Variants in AKAIN1 observed in about 807,000 individuals in gnomAD.
The protein encoded by AKAIN1 is A-kinase anchor protein inhibitor 1.
A neutral mutation model predicts 3.7 loss-of-function variants in AKAIN1; 3 were observed. The ratio of observed to expected loss-of-function variants is 0.82; its 90% CI spans 0.37 to 2.12. AKAIN1 has a LOEUF of 2.12. Ranked by LOEUF, AKAIN1 falls within the 30% of genes most tolerant of loss-of-function variation. AKAIN1 has a pLI of 0.06. For missense variants in AKAIN1, 82 were observed against 82.7 expected, an observed-to-expected ratio of 0.99 and a Z score of 0.03; for synonymous variants, 31 against 30.8, an observed-to-expected ratio of 1.01 and a Z score of -0.02.
chr18:5,153,544 T>C (rs1031448122), intron 1 of AKAIN1, among the ~76,000 whole-genome samples: 9 of 152,134 alleles, frequency 5.9e-5, no homozygotes, highest in African/African-American at 2.2e-4. Context: ...GAAAGGACAG[T>C]ATTTTCAGTC....
intron 1 of AKAIN1, among the ~76,000 whole-genome samples, chr18:5,179,430 T>C (rs2071244812): frequency 6.6e-6 from 1 of 151,630 alleles, no homozygotes; most frequent in East Asian, 1.9e-4. Flanking sequence ...TGTGTATATA[T>C]ATATATATGT....
At chr18:5,194,751 T>C (rs762205754) in intron 1 of AKAIN1, among the ~76,000 whole-genome samples, 9 of 152,220 alleles carry the variant, frequency 5.9e-5, no homozygotes, top group Non-Finnish European at 1.3e-4. Context: ...TTTATTGTTA[T>C]ATTCATCTTG....
At chr18:5,165,140 G>T (rs28360856) in intron 1 of AKAIN1, among the ~76,000 whole-genome samples, 3,493 of 152,002 alleles carry the variant, frequency 0.023, 134 homozygotes, top group African/African-American at 0.078. Context: ...GGAATTATGG[G>T]TTGGTACAAG....
At chr18:5,194,110 G>T (rs928916671) in intron 1 of AKAIN1, among the ~76,000 whole-genome samples, 2 of 152,082 alleles carry the variant, frequency 1.3e-5, no homozygotes, top group African/African-American at 4.8e-5. Context: ...TACTTACACA[G>T]AAATTAATAT....
In AKAIN1 at chr18:5,143,124, A is replaced by G. The variant is rs1455915853; in HGVS notation, c.*2438T>C. On this transcript the variant is annotated 3_prime_UTR_variant, in exon 2 of 2. Transcript: ENST00000434239. ...CTCATTTCTGAAACTAAAAGCTGTG[A>G]TCTGGTTTATGATGATAATCAAGTG... Among the ~76,000 whole-genome samples the G allele has an allele frequency of 6.6e-6, 1 of 152,222 alleles. No individual in the cohort carries two copies. The highest frequency in any genetic ancestry group is 1.5e-5 in the Non-Finnish European group (1 of 68,032).
At position 5,188,460 on chromosome 18, in the gene AKAIN1, G is replaced by A. The variant is rs57546221; in HGVS notation, c.16+8578C>T. ...GCTGACACTTCCCCTAAACCTCTCC[G>A]TGCTGCCCACCCCTCCCCATTATGC... On this transcript the variant is annotated intron_variant, in intron 1 of 1. Coordinates refer to ENST00000434239, the MANE Select transcript of AKAIN1 (RefSeq NM_001145194.2). Among the ~76,000 whole-genome samples the A allele has an allele frequency of 3.3e-5, 5 of 151,952 alleles. No homozygotes were observed. In the South Asian group the frequency reaches 1.0e-3, roughly 32 times the overall value.
At chr18:5,194,320 A>G (rs1951724773) in intron 1 of AKAIN1, among the ~76,000 whole-genome samples, 1 of 152,194 alleles carries the variant, frequency 6.6e-6, no homozygotes, top group African/African-American at 2.4e-5. Flanking sequence ...AATAAGAGAA[A>G]GAGGAAAAAA....
At chr18:5,169,100 A>C (rs1473195856) in intron 1 of AKAIN1, among the ~76,000 whole-genome samples, 1 of 152,038 alleles carries the variant, frequency 6.6e-6, no homozygotes, top group Non-Finnish European at 1.5e-5. Context: ...TGCAGTCTTG[A>C]GCCTGAATTC....
chr18:5,171,525 A>T (rs2071197656), intron 1 of AKAIN1, among the ~76,000 whole-genome samples: 1 of 152,186 alleles, frequency 6.6e-6, no homozygotes, highest in Admixed American at 6.5e-5. Context: ...AAAAATGGGC[A>T]ACAGATCCGA....
At chr18:5,192,584 G>A (rs1057150046) in intron 1 of AKAIN1, among the ~76,000 whole-genome samples, 1 of 151,956 alleles carries the variant, frequency 6.6e-6, no homozygotes, top group Admixed American at 6.6e-5. Flanking sequence ...TCCACACATC[G>A]AATCTGCCAA....
At chr18:5,146,040 CTAATA>C (rs1376085178) in intron 1 of AKAIN1, among the ~76,000 whole-genome samples, 2 of 152,122 alleles carry the variant, frequency 1.3e-5, no homozygotes, top group Admixed American at 6.5e-5. Flanking sequence ...CTTATAATAC[CTAATA>C]TAATATAAAT....
intron 1 of AKAIN1, among the ~76,000 whole-genome samples, chr18:5,178,408 T>G (rs1381462736): frequency 1.3e-5 from 2 of 152,034 alleles, no homozygotes; most frequent in Non-Finnish European, 2.9e-5. Flanking sequence ...ACTGTCAGTA[T>G]CTAAAGAGTG....
intron 1 of AKAIN1, among the ~76,000 whole-genome samples, chr18:5,181,537 T>C (rs1429048574): frequency 2.0e-5 from 3 of 152,160 alleles, no homozygotes; most frequent in Admixed American, 6.6e-5. Flanking sequence ...TCCCTTGCCT[T>C]TTCTTACATT....
At chr18:5,188,444 T>TC (rs2071299913) in intron 1 of AKAIN1, among the ~76,000 whole-genome samples, 1 of 151,926 alleles carries the variant, frequency 6.6e-6, no homozygotes, top group Non-Finnish European at 1.5e-5. Flanking sequence ...AGCTGACACT[T>TC]CCCCTAAACC....
At chr18:5,182,313 A>G (rs1406986413) in intron 1 of AKAIN1, among the ~76,000 whole-genome samples, 1 of 152,164 alleles carries the variant, frequency 6.6e-6, no homozygotes, top group Non-Finnish European at 1.5e-5. Context: ...GCAAATGTAT[A>G]TAAGATGCAC....
chr18:5,191,435 T>C (rs2071317951), intron 1 of AKAIN1, among the ~76,000 whole-genome samples: 2 of 152,154 alleles, frequency 1.3e-5, no homozygotes, highest in African/African-American at 2.4e-5. Context: ...AGGTATAATA[T>C]AGCAACATAT....
At chr18:5,164,021 A>G (rs2071154098) in intron 1 of AKAIN1, among the ~76,000 whole-genome samples, 1 of 152,072 alleles carries the variant, frequency 6.6e-6, no homozygotes. Context: ...ACTTCTATCA[A>G]GTGAACAGAA....
At chr18:5,193,264 C>T (rs2071331752) in intron 1 of AKAIN1, among the ~76,000 whole-genome samples, 1 of 152,154 alleles carries the variant, frequency 6.6e-6, no homozygotes, top group African/African-American at 2.4e-5. Flanking sequence ...TCCATGAAAT[C>T]CTTGTTATCA....
chr18:5,193,303 G>T (rs1361695162), intron 1 of AKAIN1, among the ~76,000 whole-genome samples: 2 of 152,090 alleles, frequency 1.3e-5, no homozygotes, highest in Admixed American at 6.6e-5. Context: ...TGCAAGAAAA[G>T]AAATATTTTT....
Sources: gnomAD v4.1 joint callset for allele counts (sites outside exome capture counted in the v4.1 genomes callset) on GRCh38, gnomAD v4.1.1 for gene constraint, MANE v1.5 for transcripts, NCBI Gene and HGNC (gene_info 2026-07-23, HGNC 2026-07-21) for gene names.